SULF2: variants seen among roughly 807,000 people sequenced by gnomAD.
SULF2 encodes the protein sulfatase 2.
In SULF2, 52 loss-of-function variants were observed where a neutral mutation model predicts 107.7. The observed-to-expected ratio is 0.48, with a 90% confidence interval of 0.39 to 0.61. SULF2 has a LOEUF of 0.61. Ranked by LOEUF, SULF2 falls within the 20% of genes least tolerant of loss-of-function variation. The pLI, the probability that SULF2 is intolerant of heterozygous loss-of-function variation, is 0.00. For missense variants in SULF2, 993 were observed against 1,177.3 expected, an observed-to-expected ratio of 0.84 and a Z score of 2.29; for synonymous variants, 460 against 464.3, an observed-to-expected ratio of 0.99 and a Z score of 0.12.
chr20:47,690,918 G>A (rs1405280266), intron 4 of SULF2, among the ~76,000 whole-genome samples: 1 of 151,954 alleles, frequency 6.6e-6, no homozygotes, highest in African/African-American at 2.4e-5. Context: ...ACTATTGAGT[G>A]CTTACGATGT....
At chr20:47,776,596 C>T (rs949744715) in intron 1 of SULF2, among the ~76,000 whole-genome samples, 1 of 152,174 alleles carries the variant, frequency 6.6e-6, no homozygotes, top group African/African-American at 2.4e-5. Context: ...AGGGAGTTGT[C>T]TTTTCAAGGG....
At chr20:47,779,589 C>G (rs948915770) in intron 1 of SULF2, among the ~76,000 whole-genome samples, 3 of 152,178 alleles carry the variant, frequency 2.0e-5, no homozygotes, top group Admixed American at 1.3e-4. Context: ...TTAAAACCCT[C>G]CAATGGTTCT....
At position 47,757,310 on chromosome 20, in the gene SULF2, C is replaced by G; in HGVS notation, c.54G>C (p.Leu18=). The G allele has an allele frequency of 2.5e-6, 4 of 1,601,274 alleles. No individual in the cohort carries two copies. Among genetic ancestry groups the G allele is most frequent in the Non-Finnish European group, 3.4e-6 (4 of 1,173,614 alleles). The stretch of plus-strand genomic sequence containing the variant: ...ACAGGAAGGCCGAGCTTCCACCCAG[C>G]AGGGAGAACACAGTTGCGGACAGCA... ...LCLLSATVFS[L]LGGSSAFLSH... The change falls in exon 2 of 21, where the codon CTG becomes CTC. Residue 18 remains leucine, a synonymous_variant. Coordinates refer to ENST00000688720, the MANE Select transcript of SULF2 (RefSeq NM_001387048.1).
intron 2 of SULF2, among the ~76,000 whole-genome samples, chr20:47,747,477 G>T (rs1178341154): frequency 3.9e-5 from 6 of 152,158 alleles, no homozygotes; most frequent in Admixed American, 1.3e-4. Context: ...GCACACGTGG[G>T]AAAGGGCAGG....
intron 11 of SULF2, among the ~76,000 whole-genome samples, chr20:47,668,087 G>GTCC (rs1217492104): frequency 6.6e-6 from 1 of 152,148 alleles, no homozygotes; most frequent in Non-Finnish European, 1.5e-5. Flanking sequence ...GCCGAGGATG[G>GTCC]TCCCTGTGCC....
At position 47,668,980 on chromosome 20, in the gene SULF2, T is replaced by C. The variant is rs149816309; in HGVS notation, c.1577-2492A>G. Among the ~76,000 whole-genome samples, 22 of 152,318 alleles carry C rather than the reference T, an allele frequency of 1.4e-4. No homozygotes were observed. The East Asian group carries it at 3.3e-3, about 23-fold the overall frequency. Reference sequence around the variant, plus strand: ...CACAAGACCTGCTCCTTTCTGTACTTTGTTCTCATTAAATGTCCATTGAGC... The same window carrying C: ...CACAAGACCTGCTCCTTTCTGTACTCTGTTCTCATTAAATGTCCATTGAGC... On this transcript the variant is annotated intron_variant, in intron 11 of 20. Coordinates refer to ENST00000688720, the MANE Select transcript of SULF2 (RefSeq NM_001387048.1).
At chr20:47,700,309 T>C (rs1384283782) in intron 4 of SULF2, among the ~76,000 whole-genome samples, 1 of 152,214 alleles carries the variant, frequency 6.6e-6, no homozygotes, top group Admixed American at 6.5e-5. Flanking sequence ...CTATGGCTGC[T>C]TTCACACTAT....
At chr20:47,760,953 G>GA (rs1329179937) in intron 1 of SULF2, among the ~76,000 whole-genome samples, 1 of 152,340 alleles carries the variant, frequency 6.6e-6, no homozygotes, top group East Asian at 1.9e-4. Flanking sequence ...GTGGACTTTG[G>GA]AGTTACTTGC....
chr20:47,726,848 A>G (rs4810671), intron 3 of SULF2, among the ~76,000 whole-genome samples: 39,853 of 151,766 alleles, frequency 0.26, 5,371 homozygotes, highest in South Asian at 0.33. Context: ...CACCACAGTC[A>G]CCCTTCCCTC....
In SULF2 at chr20:47,684,552, G is replaced by A. The variant is rs774487947; in HGVS notation, c.767C>T (p.Pro256Leu). Residue 256 changes from proline to leucine, a missense_variant, in exon 6 of 21, where the codon CCG (proline) becomes CTG (leucine). By Grantham distance (98) the Pro-to-Leu change is moderately conservative (BLOSUM62 -3). This residue lies in a region of SULF2 where 388 missense variants were observed against 449.2 expected (regional missense o/e 0.86). Transcript: ENST00000688720. ...GTAGCGCATGATCCAGTGTTTGTCC[G>A]GGTTGGGCGCGTAGTTGTAGCTCGG... ...ITPSYNYAPN[P>L]DKHWIMRYTG... 2.8e-5 allele frequency: 45 copies of A among 1,613,894 alleles called. No homozygotes were observed. Among genetic ancestry groups the A allele is most frequent in the East Asian group, 4.5e-5 (2 of 44,884 alleles).
Position 47,665,979 on chromosome 20 carries a change from G to A in SULF2, c.1806-26C>T, listed in dbSNP as rs368470189. On this transcript the variant is annotated intron_variant, in intron 12 of 20. Coordinates refer to ENST00000688720, the MANE Select transcript of SULF2 (RefSeq NM_001387048.1). ...CTGCTTGAGAGAAGGGATCACGTGT[G>A]GCTCGGAGGTGGTGGAGGGGGAGCA... The A allele has an allele frequency of 5.6e-6, 9 of 1,610,418 alleles. No individual in the cohort carries two copies. In the African/African-American group the frequency reaches 1.1e-4, roughly 19 times the overall value.
At chr20:47,674,310 C>T (rs893201000) in intron 10 of SULF2, among the ~76,000 whole-genome samples, 3 of 152,196 alleles carry the variant, frequency 2.0e-5, no homozygotes, top group Non-Finnish European at 4.4e-5. Context: ...GACTTGGGGT[C>T]CCTACAGCTG....
At chr20:47,744,553 C>T (rs1224167358) in intron 2 of SULF2, among the ~76,000 whole-genome samples, 1 of 152,140 alleles carries the variant, frequency 6.6e-6, no homozygotes, top group African/African-American at 2.4e-5. Flanking sequence ...GTGAAGCAGG[C>T]CCTGGGATTT....
Position 47,693,184 on chromosome 20 carries a change from G to A in SULF2, c.568-2889C>T, listed in dbSNP as rs116654797. Among the ~76,000 whole-genome samples the A allele has an allele frequency of 2.2e-3, 332 of 152,294 alleles. 2 individuals are homozygous for A. The highest frequency in any genetic ancestry group is 7.5e-3 in the African/African-American group (313 of 41,566). ...AGAGCTGCTGCTATAGTTTTGGAAC[G>A]TGATATAAAGGTATTAGAAAAGTTC... On this transcript the variant is annotated intron_variant, in intron 4 of 20. Coordinates refer to ENST00000688720, the MANE Select transcript of SULF2 (RefSeq NM_001387048.1).
At chr20:47,718,238 A>G (rs878997268) in intron 3 of SULF2, among the ~76,000 whole-genome samples, 1 of 152,326 alleles carries the variant, frequency 6.6e-6, no homozygotes, top group South Asian at 2.1e-4. Flanking sequence ...CTCAACTGCA[A>G]AATAGGAATA....
chr20:47,684,348 C>A, intron 6 of SULF2, 83 bp downstream of exon 6: 1 of 1,430,504 alleles, frequency 7.0e-7, no homozygotes, highest in Non-Finnish European at 9.2e-7. Context: ...CCAGGAAAAC[C>A]CTGAAGGGCC....
intron 4 of SULF2, among the ~76,000 whole-genome samples, chr20:47,696,196 A>C (rs1236394283): frequency 6.6e-6 from 1 of 152,224 alleles, no homozygotes; most frequent in Non-Finnish European, 1.5e-5. Flanking sequence ...GACAGTTGGG[A>C]ATAGACACAG....
chr20:47,663,024 C>G (rs529525840), intron 17 of SULF2, 46 bp downstream of exon 17: 20 of 1,610,198 alleles, frequency 1.2e-5, no homozygotes, highest in African/African-American at 9.4e-5. Context: ...CCTGGCAGCA[C>G]TGGTGTACCC....
upstream of SULF2, chr20:47,785,781 G>C (rs1201061237): frequency 6.7e-6 from 1 of 148,894 alleles, no homozygotes; most frequent in African/African-American, 2.4e-5. Flanking sequence ...CCCGGGGCGC[G>C]GGGGGCCCAG....
Sources: gnomAD v4.1 joint callset for allele counts (sites outside exome capture counted in the v4.1 genomes callset) on GRCh38, gnomAD v4.1.1 for gene constraint, gnomAD v4.1.1 regional missense constraint, MANE v1.5 for transcripts, NCBI Gene and HGNC (gene_info 2026-07-23, HGNC 2026-07-21) for gene names.